KCNT2: variants seen among roughly 807,000 people sequenced by gnomAD.
The protein encoded by KCNT2 is potassium sodium-activated channel subfamily T member 2.
Under a neutral mutation model 153.8 loss-of-function variants are expected in KCNT2, and 67 were observed. That is an observed-to-expected ratio of 0.44 (90% CI 0.36 to 0.53). The LOEUF (loss-of-function observed/expected upper bound fraction) is 0.53, where lower values mean the gene tolerates loss of function less well. KCNT2 is among the 20% of genes least tolerant of loss of function. KCNT2 has a pLI of 0.00. For synonymous variants in KCNT2, 500 were observed against 458.8 expected, an observed-to-expected ratio of 1.09 and a Z score of -1.15; for missense variants, 975 against 1,354.8, an observed-to-expected ratio of 0.72 and a Z score of 4.40.
chr1:196,289,965 T>C (rs567099173), intron 22 of KCNT2, among the ~76,000 whole-genome samples: 9 of 152,202 alleles, frequency 5.9e-5, no homozygotes, highest in East Asian at 5.8e-4. Context: ...ATCATGAACA[T>C]GTGCCTTTCT....
chr1:196,555,611 T>C (rs978881094), intron 1 of KCNT2, among the ~76,000 whole-genome samples: 1 of 151,026 alleles, frequency 6.6e-6, no homozygotes, highest in Non-Finnish European at 1.5e-5. Flanking sequence ...CCATCCCAAT[T>C]AAAATACCAA....
At chr1:196,240,028 C>T (rs139113538) in intron 26 of KCNT2, among the ~76,000 whole-genome samples, 28 of 152,196 alleles carry the variant, frequency 1.8e-4, no homozygotes, top group African/African-American at 6.7e-4. Context: ...GGACTTCCAT[C>T]TTCCACAATT....
intron 8 of KCNT2, among the ~76,000 whole-genome samples, chr1:196,432,198 C>T (rs926695687): frequency 3.3e-5 from 5 of 152,132 alleles, no homozygotes; most frequent in African/African-American, 1.2e-4. Context: ...GCCAATTTTG[C>T]AGGTGCGCAA....
chr1:196,276,483 A>C (rs1199565959), intron 25 of KCNT2, among the ~76,000 whole-genome samples: 1 of 152,016 alleles, frequency 6.6e-6, no homozygotes, highest in Non-Finnish European at 1.5e-5. Flanking sequence ...ATTCTCTCTG[A>C]AGCCTTCTGA....
chr1:196,341,145 T>C (rs926202752), intron 15 of KCNT2, among the ~76,000 whole-genome samples: 2 of 151,956 alleles, frequency 1.3e-5, no homozygotes, highest in African/African-American at 4.8e-5. Flanking sequence ...CCAGCATAAG[T>C]TGAAAATATT....
intron 1 of KCNT2, among the ~76,000 whole-genome samples, chr1:196,506,756 G>A (rs889090747): frequency 6.6e-6 from 1 of 152,124 alleles, no homozygotes; most frequent in African/African-American, 2.4e-5. Context: ...GACAGTTTGA[G>A]CAAACATAAT....
rs150459161 is a variant in KCNT2, at chr1:196,430,104, CTTTTCT to C, written c.639-353_639-348del. 4.5e-3 allele frequency among the ~76,000 whole-genome samples: 680 copies of C among 152,012 alleles called. 5 individuals are homozygous for C. Among genetic ancestry groups the C allele is most frequent in the African/African-American group, 0.016 (664 of 41,486 alleles). ...TCTAATCCCTACCAAAATACCAAGTCTTTTCTTTTTCTTTTTTTTTATAATTTTTTT... is the reference window on the plus strand; with the variant it reads ...TCTAATCCCTACCAAAATACCAAGTCTTTTCTTTTTTTTTATAATTTTTTT... On this transcript the variant is annotated intron_variant, in intron 8 of 27. Transcript: ENST00000294725.
intron 26 of KCNT2, among the ~76,000 whole-genome samples, chr1:196,239,809 T>C (rs1420993349): frequency 1.3e-5 from 2 of 151,788 alleles, no homozygotes; most frequent in East Asian, 3.9e-4. Context: ...TATTTGGAGA[T>C]AGAGCCTCAA....
chr1:196,381,710 C>T (rs902958229), intron 13 of KCNT2, among the ~76,000 whole-genome samples: 3 of 152,136 alleles, frequency 2.0e-5, no homozygotes, highest in African/African-American at 7.2e-5. Context: ...AAGATGACCA[C>T]TTGCTACCAG....
intron 1 of KCNT2, among the ~76,000 whole-genome samples, chr1:196,580,322 A>T (rs1012781153): frequency 1.3e-5 from 2 of 152,172 alleles, no homozygotes; most frequent in African/African-American, 4.8e-5. Flanking sequence ...TGAAGCTTGA[A>T]GATGGTTCAG....
intron 16 of KCNT2, among the ~76,000 whole-genome samples, chr1:196,337,217 C>T (rs1297858909): frequency 6.6e-6 from 1 of 151,516 alleles, no homozygotes; most frequent in African/African-American, 2.4e-5. Flanking sequence ...ATTCTCTTTC[C>T]CTAGTTGCTT....
At chr1:196,283,499 T>G (rs1659323830) in intron 23 of KCNT2, among the ~76,000 whole-genome samples, 1 of 152,198 alleles carries the variant, frequency 6.6e-6, no homozygotes, top group Middle Eastern at 3.4e-3. Flanking sequence ...AATAGAATCA[T>G]TGCATTTCCC....
intron 14 of KCNT2, among the ~76,000 whole-genome samples, chr1:196,356,701 T>C (rs572099949): frequency 3.9e-5 from 6 of 151,946 alleles, no homozygotes; most frequent in African/African-American, 1.4e-4. Context: ...TATATAATCA[T>C]ATTGCTATTT....
chr1:196,584,010 G>A (rs1294613200), intron 1 of KCNT2, among the ~76,000 whole-genome samples: 1 of 151,814 alleles, frequency 6.6e-6, no homozygotes, highest in Non-Finnish European at 1.5e-5. Flanking sequence ...CAGAAGTAGA[G>A]CAATCTTGGT....
chr1:196,502,322 A>G (rs984102559), intron 1 of KCNT2, among the ~76,000 whole-genome samples: 37 of 152,290 alleles, frequency 2.4e-4, no homozygotes, highest in African/African-American at 8.7e-4. Flanking sequence ...AGTCAGTAAC[A>G]TTGCATAATG....
chr1:196,392,123 G>A (rs948063625), intron 13 of KCNT2, among the ~76,000 whole-genome samples: 9 of 151,332 alleles, frequency 5.9e-5, no homozygotes, highest in Non-Finnish European at 1.3e-4. Flanking sequence ...CGTACAAAGA[G>A]ATTAGTCAAA....
intron 26 of KCNT2, among the ~76,000 whole-genome samples, chr1:196,251,876 T>TAC (rs1219821116): frequency 5.3e-5 from 8 of 152,038 alleles, no homozygotes; most frequent in Admixed American, 5.2e-4. Context: ...CGTAAATATA[T>TAC]ACACCTAGTA....
intron 1 of KCNT2, among the ~76,000 whole-genome samples, chr1:196,501,810 ATT>A (rs1202957463): frequency 6.6e-6 from 1 of 152,136 alleles, no homozygotes; most frequent in Non-Finnish European, 1.5e-5. Context: ...CCTCCTATCC[ATT>A]TTTCATTTTA....
At chr1:196,325,130 G>A (rs899166804) in intron 19 of KCNT2, among the ~76,000 whole-genome samples, 2 of 152,050 alleles carry the variant, frequency 1.3e-5, no homozygotes, top group African/African-American at 2.4e-5. Flanking sequence ...CAGATATGAA[G>A]AGACTGATTT....
Sources: allele counts gnomAD v4.1 joint callset (sites outside exome capture counted in the v4.1 genomes callset), GRCh38; gene constraint gnomAD v4.1.1; transcripts MANE v1.5; gene names NCBI Gene and HGNC (gene_info 2026-07-23, HGNC 2026-07-21).